The following ARHGAP15 variants were observed in gnomAD, a reference collection of about 807,000 sequenced individuals.
ARHGAP15 encodes the protein Rho GTPase activating protein 15.
ARHGAP15 carries 51 observed loss-of-function variants against 63.7 expected under a neutral mutation model. The ratio of observed to expected loss-of-function variants is 0.80; its 90% CI spans 0.64 to 1.01. The LOEUF is 1.01. Ranked by LOEUF, ARHGAP15 falls within the 50% of genes least tolerant of loss-of-function variation. The pLI is 0.00. For synonymous variants in ARHGAP15, 191 were observed against 193.8 expected (o/e 0.99, Z 0.12); for missense variants, 560 against 564.6 (o/e 0.99, Z 0.08).
At chr2:143,528,340 T>C (rs750147527) in intron 10 of ARHGAP15, among the ~76,000 whole-genome samples, 2 of 152,084 alleles carry the variant, frequency 1.3e-5, no homozygotes, top group Non-Finnish European at 2.9e-5. Context: ...AGTGCTGTTT[T>C]GTATTAGTTT....
chr2:143,133,107 T>C (rs1349229114), intron 1 of ARHGAP15, among the ~76,000 whole-genome samples: 1 of 152,234 alleles, frequency 6.6e-6, no homozygotes, highest in Non-Finnish European at 1.5e-5. Flanking sequence ...GAGAATTTTG[T>C]AAGTGTTGTA....
intron 8 of ARHGAP15, among the ~76,000 whole-genome samples, chr2:143,482,121 A>T (rs992523273): frequency 1.3e-5 from 2 of 152,188 alleles, no homozygotes; most frequent in African/African-American, 4.8e-5. Context: ...GTTAAGGTTA[A>T]TGTTTATGGA....
intron 12 of ARHGAP15, among the ~76,000 whole-genome samples, chr2:143,687,102 T>A (rs1359771571): frequency 1.1e-4 from 16 of 152,274 alleles, no homozygotes; most frequent in Admixed American, 1.0e-3. Context: ...GGGATATGAA[T>A]CAGCTGGGTA....
chr2:143,394,239 T>G (rs1003317573), intron 6 of ARHGAP15, among the ~76,000 whole-genome samples: 1 of 152,130 alleles, frequency 6.6e-6, no homozygotes, highest in Non-Finnish European at 1.5e-5. Context: ...TAATTGACTC[T>G]TAGCGATGAA....
rs1680255078 is a variant in ARHGAP15 at position 143,635,261 on chromosome 2, C to T, written c.1138+10994C>T. On this transcript the variant is annotated intron_variant, in intron 12 of 13. Coordinates refer to ENST00000295095, the MANE Select transcript of ARHGAP15 (RefSeq NM_018460.4). Reference sequence around the variant, plus strand: ...AAAGACAGGGTCTCACTATGTTGCCCAGGCTGGTCTCGAACTCCCGGACTC... The same window carrying T: ...AAAGACAGGGTCTCACTATGTTGCCTAGGCTGGTCTCGAACTCCCGGACTC... Among the ~76,000 whole-genome samples, 2 of 129,858 alleles carry T rather than the reference C, an allele frequency of 1.5e-5. 1 individual carries two copies. The highest frequency in any genetic ancestry group is 3.1e-5 in the Non-Finnish European group (2 of 64,202). 85.2% of individuals were successfully genotyped at this position (129,858 alleles called of 152,430 possible).
At position 143,144,749 on chromosome 2, in the gene ARHGAP15, C is replaced by A. The variant is rs868403791; in HGVS notation, c.-14-10728C>A. Among the ~76,000 whole-genome samples the A allele has an allele frequency of 2.0e-5, 3 of 152,108 alleles. 1 individual carries two copies. The Middle Eastern group carries it at 0.01, about 517-fold the overall frequency. On this transcript the variant is annotated intron_variant, in intron 1 of 13. Transcript: ENST00000295095. ...TTCAACTATTGCCCATACCCCTACC[C>A]CTCACCAGCATATTCTAAAGTGAAC...
chr2:143,248,292 G>C (rs1303900680), intron 5 of ARHGAP15, among the ~76,000 whole-genome samples: 1 of 152,178 alleles, frequency 6.6e-6, no homozygotes, highest in Non-Finnish European at 1.5e-5. Flanking sequence ...TGAAGATTGG[G>C]AGGTATTCCA....
chr2:143,502,535 C>T (rs2104937069), intron 9 of ARHGAP15, among the ~76,000 whole-genome samples: 1 of 152,228 alleles, frequency 6.6e-6, no homozygotes, highest in East Asian at 1.9e-4. Context: ...GAATACTACC[C>T]AAAGCCTAGA....
At chr2:143,174,925 G>A (rs1690954410) in intron 2 of ARHGAP15, among the ~76,000 whole-genome samples, 1 of 152,048 alleles carries the variant, frequency 6.6e-6, no homozygotes, top group Admixed American at 6.6e-5. Flanking sequence ...TTCTCTTTGG[G>A]TATTAATTAG....
chr2:143,300,004 G>A (rs895299264), intron 6 of ARHGAP15, among the ~76,000 whole-genome samples: 1 of 152,038 alleles, frequency 6.6e-6, no homozygotes. Flanking sequence ...TGTAAATGAG[G>A]CAGCAAGATA....
intron 9 of ARHGAP15, among the ~76,000 whole-genome samples, chr2:143,517,407 C>A (rs1038539413): frequency 6.6e-6 from 1 of 152,110 alleles, no homozygotes; most frequent in African/African-American, 2.4e-5. Context: ...CAATATATAT[C>A]ACTGAACATT....
intron 5 of ARHGAP15, among the ~76,000 whole-genome samples, chr2:143,240,297 T>C (rs1015254088): frequency 6.6e-6 from 1 of 152,168 alleles, no homozygotes; most frequent in Non-Finnish European, 1.5e-5. Flanking sequence ...ATATATCTAA[T>C]GCTCATTCAC....
Position 143,308,629 on chromosome 2 carries a change from C to T in ARHGAP15, c.474+58029C>T, listed in dbSNP as rs1312021688. Among the ~76,000 whole-genome samples the T allele has an allele frequency of 2.0e-5, 3 of 152,000 alleles. 1 individual carries two copies. In the South Asian group the frequency reaches 6.2e-4, roughly 31 times the overall value. ...TTAAGCAAGAATATGATAGAACAAG[C>T]ATCCCTGGTAACCTGTCATGAAATG... On this transcript the variant is annotated intron_variant, in intron 6 of 13. Coordinates refer to ENST00000295095, the MANE Select transcript of ARHGAP15 (RefSeq NM_018460.4).
chr2:143,661,722 G>T (rs548869654), intron 12 of ARHGAP15, among the ~76,000 whole-genome samples: 1 of 152,222 alleles, frequency 6.6e-6, no homozygotes, highest in Non-Finnish European at 1.5e-5. Flanking sequence ...TGCGCACACC[G>T]TGCGTGAGCC....
intron 6 of ARHGAP15, among the ~76,000 whole-genome samples, chr2:143,407,987 G>GTGCA (rs1357709703): frequency 5.2e-5 from 4 of 77,422 alleles, no homozygotes; most frequent in African/African-American, 1.8e-4. Flanking sequence ...TTCTGTGTGT[G>GTGCA]TATATATATA....
intron 10 of ARHGAP15, among the ~76,000 whole-genome samples, chr2:143,539,559 C>T (rs1177770812): frequency 6.6e-6 from 1 of 152,046 alleles, no homozygotes; most frequent in Non-Finnish European, 1.5e-5. Flanking sequence ...GAATGTGTCC[C>T]AGAGATTCTG....
intron 6 of ARHGAP15, among the ~76,000 whole-genome samples, chr2:143,373,053 GAC>G (rs1035677728): frequency 9.2e-6 from 1 of 108,834 alleles, no homozygotes; most frequent in Non-Finnish European, 1.8e-5. Context: ...AAATAGATGA[GAC>G]AGATAAAGAG....
intron 12 of ARHGAP15, among the ~76,000 whole-genome samples, chr2:143,678,075 G>A (rs751095977): frequency 6.6e-6 from 1 of 152,106 alleles, no homozygotes; most frequent in African/African-American, 2.4e-5. Context: ...AGCCAGGCAT[G>A]GTGGTGCATG....
intron 2 of ARHGAP15, among the ~76,000 whole-genome samples, chr2:143,163,369 T>C (rs1447914054): frequency 6.6e-6 from 1 of 151,744 alleles, no homozygotes; most frequent in Admixed American, 6.6e-5. Context: ...GTAGTATATG[T>C]ATATATACAC....
Sources: gnomAD v4.1 joint callset for allele counts (sites outside exome capture counted in the v4.1 genomes callset) on GRCh38, gnomAD v4.1.1 for gene constraint, MANE v1.5 for transcripts, NCBI Gene and HGNC (gene_info 2026-07-23, HGNC 2026-07-21) for gene names.